The following HDAC9 variants were observed in gnomAD, a reference collection of about 807,000 sequenced individuals.
HDAC9 encodes the protein histone deacetylase 9, also known as MEF-2 interacting transcription repressor (MITR) protein.
HDAC9 carries 41 observed loss-of-function variants against 139.4 expected under a neutral mutation model. That is an observed-to-expected ratio of 0.29 (90% confidence interval 0.23 to 0.38). The LOEUF is 0.38. Among genes scored for constraint, HDAC9 ranks in the 10% least tolerant of loss-of-function variants. The probability of loss-of-function intolerance (pLI) is 1.00; values close to 1 mark genes in which losing one functional copy is unlikely to be tolerated. For synonymous variants in HDAC9, 517 were observed against 476.2 expected (o/e 1.09, Z -1.12); for missense variants, 1,147 against 1,297.0 (o/e 0.88, Z 1.78).
chr7:18,949,403 C>A, intron 23 of HDAC9: 1 of 253,598 alleles, frequency 3.9e-6, no homozygotes, highest in East Asian at 1.0e-4. Flanking sequence ...GCATCTTCCT[C>A]CACAGCTGTT....
chr7:18,088,137 T>C (rs1403399631), intron 1 of HDAC9: 1 of 152,232 alleles, frequency 6.6e-6, no homozygotes, highest in East Asian at 1.9e-4. Context: ...TTTAAGTAAC[T>C]GTAGCATTTT....
chr7:18,480,944 C>G (rs1795501485), intron 1 of HDAC9, among the ~76,000 whole-genome samples: 2 of 152,176 alleles, frequency 1.3e-5, no homozygotes, highest in Admixed American at 6.5e-5. Context: ...CGTGCCCAAA[C>G]TTGTTATGCT....
At chr7:18,944,288 G>C (rs558120483) in intron 23 of HDAC9, among the ~76,000 whole-genome samples, 1 of 152,280 alleles carries the variant, frequency 6.6e-6, no homozygotes, top group Admixed American at 6.5e-5. Context: ...CTTTGACTCT[G>C]ACAACTGAAC....
chr7:18,555,962 C>T (rs1818669303), intron 2 of HDAC9, among the ~76,000 whole-genome samples: 1 of 151,972 alleles, frequency 6.6e-6, no homozygotes, highest in Admixed American at 6.5e-5. Context: ...AAGTAGATCT[C>T]ACAGTGATTT....
At chr7:18,668,371 TA>T (rs982952904) in intron 12 of HDAC9, 108 of 932,970 alleles carry the variant, frequency 1.2e-4, no homozygotes, top group Non-Finnish European at 1.3e-4. Flanking sequence ...GATAAAATTG[TA>T]TATTTTTTCC....
At chr7:18,882,482 C>T (rs746610690) in intron 22 of HDAC9, among the ~76,000 whole-genome samples, 4 of 151,950 alleles carry the variant, frequency 2.6e-5, no homozygotes, top group Non-Finnish European at 4.4e-5. Flanking sequence ...CTCAGAAAAC[C>T]AGGACATGGG....
chr7:18,789,777 A>C (rs1792144239), intron 16 of HDAC9, among the ~76,000 whole-genome samples: 1 of 152,102 alleles, frequency 6.6e-6, no homozygotes, highest in Admixed American at 6.5e-5. Flanking sequence ...TCCAGCTCCA[A>C]AATATCTTAT....
chr7:18,103,566 G>A (rs1228410875), intron 1 of HDAC9, among the ~76,000 whole-genome samples: 1 of 152,088 alleles, frequency 6.6e-6, no homozygotes, highest in African/African-American at 2.4e-5. Context: ...TGCCATAACA[G>A]CTTGGAGTCT....
intron 2 of HDAC9, among the ~76,000 whole-genome samples, chr7:18,539,358 A>T (rs182483594): frequency 6.6e-6 from 1 of 152,348 alleles, no homozygotes; most frequent in African/African-American, 2.4e-5. Flanking sequence ...ATCTTCAAAA[A>T]GCATGTAGGT....
intron 12 of HDAC9, among the ~76,000 whole-genome samples, chr7:18,683,184 GGT>G (rs1231000238): frequency 6.6e-6 from 1 of 151,802 alleles, no homozygotes; most frequent in Non-Finnish European, 1.5e-5. Flanking sequence ...GAAACAGCAA[GGT>G]GTATAGAAAA....
intron 1 of HDAC9, among the ~76,000 whole-genome samples, chr7:18,159,357 A>G (rs1382777691): frequency 1.3e-5 from 2 of 152,222 alleles, no homozygotes; most frequent in Non-Finnish European, 2.9e-5. Context: ...GGGAACTTCT[A>G]AACAGTCTAT....
chr7:18,113,375 A>C (rs769397491), intron 1 of HDAC9, among the ~76,000 whole-genome samples: 1 of 152,204 alleles, frequency 6.6e-6, no homozygotes, highest in Non-Finnish European at 1.5e-5. Flanking sequence ...AATGAGAGAC[A>C]ATTTGAAGGC....
chr7:18,169,660 T>A (rs1788271364), intron 2 of HDAC9, among the ~76,000 whole-genome samples: 1 of 152,088 alleles, frequency 6.6e-6, no homozygotes, highest in South Asian at 2.1e-4. Flanking sequence ...CCGCCCTATG[T>A]CCAAGTGTTC....
chr7:18,736,648 G>A (rs564973804), intron 13 of HDAC9, among the ~76,000 whole-genome samples: 1 of 152,292 alleles, frequency 6.6e-6, no homozygotes, highest in African/African-American at 2.4e-5. Context: ...GGATTTTATT[G>A]AGGATATTCA....
chr7:18,310,705 G>A (rs534014311), intron 1 of HDAC9, among the ~76,000 whole-genome samples: 3 of 151,978 alleles, frequency 2.0e-5, no homozygotes, highest in Admixed American at 6.6e-5. Flanking sequence ...ATACCTGCAG[G>A]TGTGACATAG....
chr7:18,672,664 T>C (rs1021370295), intron 12 of HDAC9, among the ~76,000 whole-genome samples: 1 of 152,076 alleles, frequency 6.6e-6, no homozygotes, highest in African/African-American at 2.4e-5. Context: ...TACGTTGCCT[T>C]CTTAGAGTTT....
intron 2 of HDAC9, among the ~76,000 whole-genome samples, chr7:18,181,667 C>T (rs569909295): frequency 2.4e-4 from 36 of 152,266 alleles, no homozygotes; most frequent in Middle Eastern, 6.8e-3. Flanking sequence ...CCTGGCTGCA[C>T]ATCAGCATCA....
At chr7:18,217,919 T>G (rs1429355353) in intron 2 of HDAC9, among the ~76,000 whole-genome samples, 2 of 152,164 alleles carry the variant, frequency 1.3e-5, no homozygotes, top group African/African-American at 4.8e-5. Context: ...CCTAAAGTAG[T>G]AGTCAGGCTG....
chr7:18,513,790 C>T lies in HDAC9; in HGVS notation c.22+17466C>T, dbSNP rs545146408. 6.6e-5 allele frequency among the ~76,000 whole-genome samples: 10 copies of T among 152,274 alleles called. No individual in the cohort carries two copies. The East Asian group carries it at 1.9e-3, about 29-fold the overall frequency. On this transcript the variant is annotated intron_variant, in intron 2 of 25. Coordinates refer to ENST00000686413, the MANE Select transcript of HDAC9 (RefSeq NM_178425.4). Reference sequence around the variant, plus strand: ...ATCCTTAAAAATGTTAGGGATTTGACTTTTTAATTCCCTAAACCAGATCAT... The same window carrying T: ...ATCCTTAAAAATGTTAGGGATTTGATTTTTTAATTCCCTAAACCAGATCAT...
Sources: gnomAD v4.1 joint callset for allele counts (sites outside exome capture counted in the v4.1 genomes callset) on GRCh38, gnomAD v4.1.1 for gene constraint, MANE v1.5 for transcripts, NCBI Gene and HGNC (gene_info 2026-07-23, HGNC 2026-07-21) for gene names.